Variants in ROBO1 observed in about 807,000 individuals in gnomAD.
ROBO1 encodes roundabout homolog 1.
In ROBO1, 149 loss-of-function variants were observed where a neutral mutation model predicts 195.9. The ratio of observed to expected loss-of-function variants is 0.76; its 90% CI spans 0.67 to 0.87. The LOEUF is 0.87. ROBO1 is among the 40% of genes least tolerant of loss of function. The pLI, the probability that ROBO1 is intolerant of heterozygous loss-of-function variation, is 0.00. For synonymous variants in ROBO1, 816 were observed against 733.2 expected (o/e 1.11, Z -1.82); for missense variants, 1,933 against 2,068.3 (o/e 0.93, Z 1.27).
intron 4 of ROBO1, among the ~76,000 whole-genome samples, chr3:78,792,882 T>C (rs1197475736): frequency 5.3e-5 from 8 of 152,062 alleles, no homozygotes; most frequent in South Asian, 2.1e-4. Context: ...GGAGGATCAC[T>C]TGTGCTCAGG....
chr3:78,881,691 C>T (rs113605936), intron 4 of ROBO1, among the ~76,000 whole-genome samples: 19 of 152,170 alleles, frequency 1.2e-4, no homozygotes, highest in African/African-American at 4.6e-4. Flanking sequence ...ATTTTATTAT[C>T]GACTGCATCA....
intron 26 of ROBO1, among the ~76,000 whole-genome samples, chr3:78,622,766 G>A (rs1302238403): frequency 6.6e-6 from 1 of 152,164 alleles, no homozygotes; most frequent in Non-Finnish European, 1.5e-5. Flanking sequence ...TTGGATGCCA[G>A]CTGCCATGAA....
chr3:78,821,170 T>TA (rs1459838573), intron 4 of ROBO1, among the ~76,000 whole-genome samples: 13 of 148,540 alleles, frequency 8.8e-5, no homozygotes, highest in Middle Eastern at 3.2e-3. Context: ...GATTTTTTTT[T>TA]TTTTTTTTTT....
chr3:79,281,765 A>C (rs911081779), intron 2 of ROBO1, among the ~76,000 whole-genome samples: 7 of 152,200 alleles, frequency 4.6e-5, no homozygotes, highest in Non-Finnish European at 8.8e-5. Context: ...TTGTGCCATC[A>C]TCGGAGGGAA....
intron 2 of ROBO1, among the ~76,000 whole-genome samples, chr3:79,267,547 C>G (rs1174084274): frequency 1.4e-5 from 2 of 140,608 alleles, no homozygotes; most frequent in Non-Finnish European, 3.1e-5. Context: ...AAATCTATCT[C>G]TTTTTTTTTT....
At chr3:78,895,291 A>G (rs1004310762) in intron 4 of ROBO1, among the ~76,000 whole-genome samples, 1 of 152,210 alleles carries the variant, frequency 6.6e-6, no homozygotes, top group East Asian at 1.9e-4. Flanking sequence ...AGCTTTAAAC[A>G]TAAATAGAAA....
chr3:79,188,299 TTGAC>T (rs1367110081), intron 2 of ROBO1, among the ~76,000 whole-genome samples: 1 of 151,910 alleles, frequency 6.6e-6, no homozygotes. Flanking sequence ...GCTTCTTTGA[TTGAC>T]TGCATAAACA....
At chr3:78,943,002 C>T (rs1200418195) in intron 3 of ROBO1, among the ~76,000 whole-genome samples, 1 of 151,882 alleles carries the variant, frequency 6.6e-6, no homozygotes, top group African/African-American at 2.4e-5. Flanking sequence ...ATCACCAGGT[C>T]AGGAGATGGA....
chr3:78,659,863 C>A, intron 16 of ROBO1, 56 bp from the exon 17 acceptor site: 2 of 1,447,672 alleles, frequency 1.4e-6, no homozygotes, highest in Non-Finnish European at 1.9e-6. Flanking sequence ...ACACTGAAAG[C>A]AGGTAATTAA....
chr3:78,703,537 CT>C (rs1441709925), intron 8 of ROBO1, among the ~76,000 whole-genome samples: 1 of 152,014 alleles, frequency 6.6e-6, no homozygotes, highest in Non-Finnish European at 1.5e-5. Context: ...ATCAGCCCCC[CT>C]AGTCCTCAGT....
At chr3:78,960,559 T>A (rs1174021880) in intron 3 of ROBO1, among the ~76,000 whole-genome samples, 1 of 151,896 alleles carries the variant, frequency 6.6e-6, no homozygotes, top group African/African-American at 2.4e-5. Context: ...GGCAGGTGAA[T>A]CACGAGGTCA....
intron 2 of ROBO1, among the ~76,000 whole-genome samples, chr3:79,334,463 A>C (rs1052800653): frequency 4.0e-5 from 6 of 151,270 alleles, no homozygotes; most frequent in Non-Finnish European, 8.8e-5. Flanking sequence ...TTAGATCCAC[A>C]AAGGCAGGAT....
chr3:79,369,079 C>T (rs2036087469), intron 2 of ROBO1, among the ~76,000 whole-genome samples: 1 of 152,122 alleles, frequency 6.6e-6, no homozygotes, highest in Admixed American at 6.5e-5. Context: ...TCAGCTTCTA[C>T]AGCTTATGGG....
rs180898157 is a variant in ROBO1, at chr3:79,393,917, C to T, written c.88+195907G>A. Among the ~76,000 whole-genome samples, 85 of 152,084 alleles carry T rather than the reference C, an allele frequency of 5.6e-4. 1 individual carries two copies. Among genetic ancestry groups the T allele is most frequent in the Non-Finnish European group, 2.4e-4 (16 of 67,982 alleles). On this transcript the variant is annotated intron_variant, in intron 2 of 30. Coordinates refer to ENST00000464233, the MANE Select transcript of ROBO1 (RefSeq NM_002941.4). ...GACGGGGCCAGGCTTATGATAGAAA[C>T]TTAAGTGAATAGAAAAAAAGAATCC...
At chr3:79,197,633 G>A (rs2081664059) in intron 2 of ROBO1, among the ~76,000 whole-genome samples, 1 of 152,086 alleles carries the variant, frequency 6.6e-6, no homozygotes, top group South Asian at 2.1e-4. Flanking sequence ...CACAATGGTT[G>A]ACCTAGTTTA....
chr3:79,179,343 C>T (rs1269905946), intron 2 of ROBO1, among the ~76,000 whole-genome samples: 1 of 152,114 alleles, frequency 6.6e-6, no homozygotes, highest in African/African-American at 2.4e-5. Flanking sequence ...AGAGAATTGA[C>T]AAAAACTGAG....
At chr3:79,526,797 T>C (rs1300065222) in intron 2 of ROBO1, among the ~76,000 whole-genome samples, 2 of 152,172 alleles carry the variant, frequency 1.3e-5, no homozygotes, top group Admixed American at 6.5e-5. Context: ...TATAATCTTT[T>C]TGCAATTATG....
chr3:78,957,055 G>GT (rs1298645764), intron 3 of ROBO1, among the ~76,000 whole-genome samples: 2 of 152,098 alleles, frequency 1.3e-5, no homozygotes, highest in Non-Finnish European at 2.9e-5. Flanking sequence ...AAAATGTGTA[G>GT]TTTTTGTTTC....
At chr3:79,379,158 T>C (rs1024426995) in intron 2 of ROBO1, among the ~76,000 whole-genome samples, 1 of 152,130 alleles carries the variant, frequency 6.6e-6, no homozygotes, top group Non-Finnish European at 1.5e-5. Flanking sequence ...ATAAGGAAAG[T>C]GTGGTCTAAA....
Sources: gnomAD v4.1 joint callset for allele counts (sites outside exome capture counted in the v4.1 genomes callset) on GRCh38, gnomAD v4.1.1 for gene constraint, MANE v1.5 for transcripts, NCBI Gene and HGNC (gene_info 2026-07-23, HGNC 2026-07-21) for gene names.